Variants in C19orf38 observed in about 807,000 individuals in gnomAD.
C19orf38 encodes the protein chromosome 19 open reading frame 38.
A neutral mutation model predicts 26.6 loss-of-function variants in C19orf38; 14 were observed. The observed-to-expected ratio is 0.53, with a 90% CI of 0.35 to 0.82. The LOEUF is 0.82. Among genes scored for constraint, C19orf38 ranks in the 40% least tolerant of loss-of-function variants. The probability of loss-of-function intolerance (pLI) is 0.01; values close to 1 mark genes in which losing one functional copy is unlikely to be tolerated. For synonymous variants in C19orf38, 132 were observed against 128.5 expected (o/e 1.03, Z -0.18); for missense variants, 261 against 299.5 (o/e 0.87, Z 0.95).
intron 5 of C19orf38, among the ~76,000 whole-genome samples, chr19:10,860,727 G>A (rs948478485): frequency 6.6e-6 from 1 of 150,816 alleles, no homozygotes; most frequent in African/African-American, 2.4e-5. Flanking sequence ...TGTAGTCCCA[G>A]CTGCTCAGGA....
At chr19:10,851,515 AATT>A (rs1370034340) in intron 2 of C19orf38, among the ~76,000 whole-genome samples, 4 of 152,106 alleles carry the variant, frequency 2.6e-5, no homozygotes, top group African/African-American at 9.7e-5. Flanking sequence ...TAATTTAAAA[AATT>A]ATTTTAGAGA....
At chr19:10,859,290 G>GTA (rs35597231) in intron 4 of C19orf38, among the ~76,000 whole-genome samples, 36,347 of 131,360 alleles carry the variant, frequency 0.28, 5,378 homozygotes, top group East Asian at 0.53. Flanking sequence ...ATGTGTGTGT[G>GTA]TATATGTGTG....
At chr19:10,838,528 C>T (rs1304963134) in intron 1 of C19orf38, among the ~76,000 whole-genome samples, 1 of 152,136 alleles carries the variant, frequency 6.6e-6, no homozygotes, top group Non-Finnish European at 1.5e-5. Context: ...CAGTAAAGAT[C>T]CCTGTACCCA....
intron 1 of C19orf38, among the ~76,000 whole-genome samples, chr19:10,837,715 G>A (rs2073446848): frequency 6.6e-6 from 1 of 151,750 alleles, no homozygotes; most frequent in Admixed American, 6.6e-5. Flanking sequence ...CACCATGTTA[G>A]CCAGGATGGT....
chr19:10,858,228 A>AAAAAG, intron 3 of C19orf38, 88 bp from the exon 4 acceptor site: 1 of 659,886 alleles, frequency 1.5e-6, no homozygotes, highest in South Asian at 3.1e-5. Flanking sequence ...ACTCTGTCTA[A>AAAAAG]AAAAAAAAAA....
intron 1 of C19orf38, among the ~76,000 whole-genome samples, chr19:10,840,200 C>A (rs1384423520): frequency 1.3e-5 from 2 of 152,150 alleles, no homozygotes; most frequent in East Asian, 3.8e-4. Context: ...CTATGTTTAA[C>A]TTTTTGAGGA....
intron 3 of C19orf38, 76 bp from the exon 4 acceptor site, chr19:10,858,240 A>AAAC (rs2073651390): frequency 8.3e-7 from 1 of 1,197,970 alleles, no homozygotes; most frequent in African/African-American, 1.6e-5. Context: ...AAAAAAAAAA[A>AAAC]AAAAAAAAAA....
intron 2 of C19orf38, among the ~76,000 whole-genome samples, chr19:10,853,153 C>G (rs1382358706): frequency 1.3e-5 from 2 of 151,960 alleles, no homozygotes; most frequent in African/African-American, 4.8e-5. Context: ...GCCTCCACTT[C>G]CTGGGCTCAA....
intron 1 of C19orf38, among the ~76,000 whole-genome samples, chr19:10,843,107 T>C (rs143431804): frequency 1.6e-3 from 240 of 152,274 alleles, no homozygotes; most frequent in Middle Eastern, 3.4e-3. Context: ...ATGGGGAATG[T>C]GTGCTGATTG....
upstream of C19orf38, among the ~76,000 whole-genome samples, chr19:10,844,038 G>A (rs1230402192): frequency 2.0e-5 from 3 of 151,364 alleles, no homozygotes; most frequent in Non-Finnish European, 2.9e-5. Flanking sequence ...ACTTAAACCC[G>A]GAAGATGGAG....
At position 10,839,008 on chromosome 19, in the gene C19orf38, A is replaced by T. The variant is rs556539805; in HGVS notation, c.-69+2238A>T. ...AGGCTCTCCGCAACCTCCGCCTCCC[A>T]GGTTCAAGGGATTCTCCCGCCTCAG... On this transcript the variant is annotated intron_variant, in intron 1 of 7. Coordinates refer to the C19orf38 transcript ENST00000592854. Among the ~76,000 whole-genome samples, 53 of 149,836 alleles carry T rather than the reference A, an allele frequency of 3.5e-4. No individual in the cohort carries two copies. The South Asian group carries it at 4.2e-3, about 12-fold the overall frequency.
chr19:10,846,410 T>C (rs1194080785), upstream of C19orf38, among the ~76,000 whole-genome samples: 1 of 151,754 alleles, frequency 6.6e-6, no homozygotes, highest in African/African-American at 2.4e-5. Context: ...TAAGCATCCA[T>C]CTTAAGAAGC....
chr19:10,841,427 G>T (rs1192323974), intron 1 of C19orf38, among the ~76,000 whole-genome samples: 2 of 152,052 alleles, frequency 1.3e-5, no homozygotes, highest in Non-Finnish European at 2.9e-5. Flanking sequence ...AGGCTGCAGT[G>T]AGCCATGATT....
chr19:10,859,182 C>T lies in C19orf38; in HGVS notation c.462-733C>T, dbSNP rs557256419. ...GAACTCCCAACCTCAGGTGATCCGCCCGCCTGTGCCTCCCAAAGTGCTGGG... is the reference window on the plus strand; with the variant it reads ...GAACTCCCAACCTCAGGTGATCCGCTCGCCTGTGCCTCCCAAAGTGCTGGG... On this transcript the variant is annotated intron_variant, in intron 4 of 6. Coordinates refer to ENST00000397820, the MANE Select transcript of C19orf38 (RefSeq NM_001136482.3). 8.0e-5 allele frequency among the ~76,000 whole-genome samples: 12 copies of T among 150,404 alleles called. No homozygotes were observed. In the Admixed American group the frequency reaches 8.0e-4, roughly 10 times the overall value.
At chr19:10,839,469 T>C (rs1347961362) in intron 1 of C19orf38, among the ~76,000 whole-genome samples, 2 of 152,184 alleles carry the variant, frequency 1.3e-5, no homozygotes, top group Non-Finnish European at 2.9e-5. Context: ...ACTGCCTGCC[T>C]AAATACTTTC....
rs140782527 is a variant in C19orf38, at chr19:10,851,226, G to A, written c.340+659G>A. 1.6e-3 allele frequency among the ~76,000 whole-genome samples: 232 copies of A among 147,478 alleles called. 4 individuals carry two copies. The East Asian group carries it at 0.04, about 26-fold the overall frequency. ...GTGCCACCATGCCCGGCTAATTTTTGTATTTTTAGTAAAGACAGGATTTCA... is the reference window on the plus strand; with the variant it reads ...GTGCCACCATGCCCGGCTAATTTTTATATTTTTAGTAAAGACAGGATTTCA... On this transcript the variant is annotated intron_variant, in intron 2 of 6. Coordinates refer to ENST00000397820, the MANE Select transcript of C19orf38 (RefSeq NM_001136482.3).
intron 2 of C19orf38, among the ~76,000 whole-genome samples, chr19:10,852,469 C>A (rs1275999219): frequency 6.6e-6 from 1 of 152,210 alleles, no homozygotes; most frequent in East Asian, 1.9e-4. Flanking sequence ...GGGCGACTGG[C>A]CCCATGTTCT....
chr19:10,842,705 C>G (rs1018964402), intron 1 of C19orf38, among the ~76,000 whole-genome samples: 34 of 152,232 alleles, frequency 2.2e-4, no homozygotes, highest in African/African-American at 6.7e-4. Context: ...CTACTGCACT[C>G]CAACCTGTGC....
intron 2 of C19orf38, among the ~76,000 whole-genome samples, chr19:10,852,645 G>T (rs1238550622): frequency 6.6e-6 from 1 of 152,208 alleles, no homozygotes; most frequent in Non-Finnish European, 1.5e-5. Flanking sequence ...AGGCCCCGAG[G>T]CTGAAGCTTC....
Sources: gnomAD v4.1 joint callset for allele counts (sites outside exome capture counted in the v4.1 genomes callset) on GRCh38, gnomAD v4.1.1 for gene constraint, MANE v1.5 for transcripts, NCBI Gene and HGNC (gene_info 2026-07-23, HGNC 2026-07-21) for gene names.